The following MARCHF10 variants were observed in gnomAD, a reference collection of about 807,000 sequenced individuals.
MARCHF10 encodes membrane associated ring-CH-type finger 10.
Under a neutral mutation model 76.2 loss-of-function variants are expected in MARCHF10, and 64 were observed. That is an observed-to-expected ratio of 0.84 (90% CI 0.69 to 1.03). The LOEUF is 1.03. Among genes scored for constraint, MARCHF10 ranks in the 50% least tolerant of loss-of-function variants. MARCHF10 has a pLI of 0.00. For synonymous variants in MARCHF10, 340 were observed against 357.5 expected (o/e 0.95, Z 0.55); for missense variants, 875 against 958.0 (o/e 0.91, Z 1.14).
intron 5 of MARCHF10, chr17:62,737,564 GAGGATA>G: frequency 3.8e-6 from 2 of 523,436 alleles, no homozygotes; most frequent in Non-Finnish European, 6.6e-6. Flanking sequence ...GGGGGACCCT[GAGGATA>G]CAGATTCTTT....
chr17:62,729,905 C>T lies in MARCHF10; in HGVS notation c.1938-4801G>A, dbSNP rs551753634. On this transcript the variant is annotated intron_variant, in intron 6 of 10. Transcript: ENST00000311269. ...TATTTTTAAAAAACCATAAATCAGC[C>T]GGGTGCAGTGGCTCACGCCTGTAAT... 3.9e-3 allele frequency among the ~76,000 whole-genome samples: 594 copies of T among 152,258 alleles called. 1 individual carries two copies. Among genetic ancestry groups the T allele is most frequent in the Non-Finnish European group, 7.0e-3 (475 of 67,982 alleles).
intron 3 of MARCHF10, among the ~76,000 whole-genome samples, chr17:62,780,291 C>A (rs2092634379): frequency 6.6e-6 from 1 of 152,228 alleles, no homozygotes; most frequent in Non-Finnish European, 1.5e-5. Context: ...TAGACCTTTG[C>A]TGCTCTCATG....
At chr17:62,737,490 G>A (rs2091326317) in intron 5 of MARCHF10, 158 bp from the exon 6 acceptor site, 2 of 676,412 alleles carry the variant, frequency 3.0e-6, no homozygotes, top group African/African-American at 1.8e-5. Context: ...GAGGAGCAGA[G>A]CCCAGCAGGC....
chr17:62,793,355 T>C (rs1263971133), intron 2 of MARCHF10, among the ~76,000 whole-genome samples: 5 of 67,406 alleles, frequency 7.4e-5, no homozygotes, highest in Admixed American at 1.7e-4. Context: ...ACCACCACCA[T>C]CACACCTCCA....
chr17:62,786,131 C>T (rs2092741823), intron 3 of MARCHF10, among the ~76,000 whole-genome samples: 2 of 152,116 alleles, frequency 1.3e-5, no homozygotes, highest in Admixed American at 6.6e-5. Flanking sequence ...TGGAACCAAC[C>T]CAAATGTCCA....
chr17:62,712,671 C>T lies in MARCHF10; in HGVS notation c.2215-1327G>A, dbSNP rs535417122. Among the ~76,000 whole-genome samples, 23 of 152,180 alleles carry T rather than the reference C, an allele frequency of 1.5e-4. No individual in the cohort carries two copies. The highest frequency in any genetic ancestry group is 1.5e-5 in the Non-Finnish European group (1 of 68,036). ...TAGCCTCCTATTTTTAGCCTTTGGT[C>T]GTGTTTTTTGTGCTCTGCTGACCTT... On this transcript the variant is annotated intron_variant, in intron 8 of 10. Transcript: ENST00000311269. The surrounding 1 kb of genome is among the most constrained non-coding windows in gnomAD (Gnocchi z 4.2).
At chr17:62,766,418 T>C (rs1253907666) in intron 3 of MARCHF10, among the ~76,000 whole-genome samples, 1 of 151,958 alleles carries the variant, frequency 6.6e-6, no homozygotes, top group Non-Finnish European at 1.5e-5. Context: ...GAGAATCACT[T>C]GAACCTGGGA....
chr17:62,800,209 A>G (rs2093048788), intron 2 of MARCHF10, among the ~76,000 whole-genome samples: 1 of 152,268 alleles, frequency 6.6e-6, no homozygotes, highest in South Asian at 2.1e-4. Context: ...GGCAGTGTTA[A>G]GAGCCCAATG....
chr17:62,733,077 A>C (rs2091106016), intron 6 of MARCHF10, among the ~76,000 whole-genome samples: 1 of 152,020 alleles, frequency 6.6e-6, no homozygotes, highest in African/African-American at 2.4e-5. Context: ...TCCAACACAC[A>C]ACTGTTGAAA....
chr17:62,711,245 C>G lies in MARCHF10; in HGVS notation c.2314G>C (p.Val772Leu). The G allele has an allele frequency of 1.2e-6, 2 of 1,613,982 alleles. No individual in the cohort carries two copies. ...AELMRLNHNQVERERLSRNYP... is the reference protein window; with the variant it reads ...AELMRLNHNQLERERLSRNYP... The stretch of plus-strand genomic sequence containing the variant: ...GCCAGACTTACCCTCTCTCTTTCCA[C>G]CTGGTTGTGGTTGAGCCTCATGAGT... Residue 772 changes from valine (V) to leucine (L), a missense_variant, in exon 9 of 11, where the codon GTG becomes CTG. Val to Leu is a conservative substitution (Grantham distance 32, BLOSUM62 1). Transcript: ENST00000311269. The surrounding 1 kb of genome is among the most constrained non-coding windows in gnomAD (Gnocchi z 4.4).
chr17:62,744,331 G>C (rs1375502395), intron 5 of MARCHF10, 45 bp downstream of exon 5: 1 of 1,580,332 alleles, frequency 6.3e-7, no homozygotes, highest in African/African-American at 1.4e-5. Flanking sequence ...GCAAAAATCA[G>C]TCCTCCTCTC....
intron 6 of MARCHF10, among the ~76,000 whole-genome samples, chr17:62,728,919 G>T (rs2090886237): frequency 6.6e-6 from 1 of 152,102 alleles, no homozygotes; most frequent in Non-Finnish European, 1.5e-5. Flanking sequence ...CAATGGAAAA[G>T]AATAAAGTAT....
At chr17:62,704,886 A>G in intron 10 of MARCHF10, 1 of 969,806 alleles carries the variant, frequency 1.0e-6, no homozygotes, top group Non-Finnish European at 1.2e-6. Context: ...CTCCTGATGA[A>G]GTTCTTCCCG....
chr17:62,730,923 A>G (rs1262554322), intron 6 of MARCHF10, among the ~76,000 whole-genome samples: 1 of 152,154 alleles, frequency 6.6e-6, no homozygotes, highest in Non-Finnish European at 1.5e-5. Context: ...CAACGACAAC[A>G]ACAAAAAAGC....
At chr17:62,792,760 C>G (rs1206948589) in intron 2 of MARCHF10, among the ~76,000 whole-genome samples, 1 of 145,236 alleles carries the variant, frequency 6.9e-6, no homozygotes, top group African/African-American at 2.6e-5. Context: ...ATCACCACCA[C>G]CACCTCCATC....
chr17:62,768,453 G>A (rs560452353), intron 3 of MARCHF10, among the ~76,000 whole-genome samples: 7 of 152,234 alleles, frequency 4.6e-5, no homozygotes, highest in Non-Finnish European at 1.0e-4. Flanking sequence ...CTGGGAGGTA[G>A]AGGTTGCAGT....
In MARCHF10 at chr17:62,739,666, CCACCGT is replaced by C. The variant is rs1347250462; in HGVS notation, c.536-2340_536-2335del. Among the ~76,000 whole-genome samples the C allele has an allele frequency of 2.6e-5, 4 of 152,206 alleles. No homozygotes were observed. In the Middle Eastern group the frequency reaches 0.01, roughly 391 times the overall value. ...AAAGTGCTGGGATTACAAGTGTGAG[CCACCGT>C]GCCCGGCCGGCTGATGACTTTTTGT... On this transcript the variant is annotated intron_variant, in intron 5 of 10. Transcript: ENST00000311269.
At chr17:62,754,992 T>C (rs188927194) in intron 4 of MARCHF10, among the ~76,000 whole-genome samples, 17 of 152,334 alleles carry the variant, frequency 1.1e-4, no homozygotes, top group African/African-American at 3.8e-4. Context: ...TTATTTTAGA[T>C]GTTTGTCTCT....
intron 8 of MARCHF10, among the ~76,000 whole-genome samples, chr17:62,720,533 G>A (rs2090428685): frequency 1.3e-5 from 2 of 152,178 alleles, no homozygotes; most frequent in South Asian, 4.1e-4. Flanking sequence ...GTTAGGCTCT[G>A]GTTAAATAGT....
Sources: allele counts gnomAD v4.1 joint callset (sites outside exome capture counted in the v4.1 genomes callset), GRCh38; gene constraint gnomAD v4.1.1; non-coding constraint Gnocchi (gnomAD v3.1); transcripts MANE v1.5; gene names NCBI Gene and HGNC (gene_info 2026-07-23, HGNC 2026-07-21).